GLMN: variants seen among roughly 807,000 people sequenced by gnomAD.
GLMN encodes glomulin.
GLMN carries 75 observed loss-of-function variants against 87.8 expected under a neutral mutation model. That is an observed-to-expected ratio of 0.85 (90% confidence interval 0.71 to 1.04). GLMN has a LOEUF of 1.04. Ranked by LOEUF, GLMN falls within the 50% of genes least tolerant of loss-of-function variation. GLMN has a pLI of 0.00. For synonymous variants in GLMN, 206 were observed against 221.6 expected (o/e 0.93, Z 0.63); for missense variants, 588 against 658.8 (o/e 0.89, Z 1.18).
In GLMN at chr1:92,266,427, T is replaced by C. The variant is rs755672648; in HGVS notation, c.1206A>G (p.Thr402=). The C allele has an allele frequency of 1.3e-6, 2 of 1,513,216 alleles. No homozygotes were observed. The highest frequency in any genetic ancestry group is 2.3e-5 in the East Asian group (1 of 44,368). The allele number at this position is 1,513,216 out of a possible 1,614,324, so 93.7% of individuals were successfully genotyped here. ...INKLDSQGKY[T]LFRCLLNTSN... ...CCATGCTTGATACATACCTAAATAA[T>C]GTATATTTGCCTTGTGAATCCAACT... is the stretch of plus-strand genomic sequence containing the variant. Residue 402 remains threonine (T), a synonymous_variant, in exon 13 of 19, where the codon ACA becomes ACG. Transcript: ENST00000370360.
chr1:92,263,837 C>G, intron 14 of GLMN, 105 bp from the exon 15 acceptor site: 1 of 751,076 alleles, frequency 1.3e-6, no homozygotes. Flanking sequence ...ATTTAAAATA[C>G]AGTTTTTAAC....
intron 16 of GLMN, among the ~76,000 whole-genome samples, chr1:92,255,083 GAAA>G (rs543661361): frequency 7.4e-6 from 1 of 135,860 alleles, no homozygotes; most frequent in African/African-American, 2.6e-5. Context: ...CAAACGGAAA[GAAA>G]AAAAAAAAGC....
At chr1:92,299,621 A>G (rs1195248137), upstream of GLMN, among the ~76,000 whole-genome samples, 1 of 152,146 alleles carries the variant, frequency 6.6e-6, no homozygotes, top group Non-Finnish European at 1.5e-5. Flanking sequence ...GATTTTCAGG[A>G]GTGGTTAATT....
chr1:92,280,021 C>T (rs1018129817), intron 7 of GLMN, among the ~76,000 whole-genome samples: 11 of 152,242 alleles, frequency 7.2e-5, no homozygotes, highest in African/African-American at 2.7e-4. Context: ...TAGATTCTAC[C>T]TCTGGGGACG....
At chr1:92,287,303 T>TA (rs1268040408) in intron 6 of GLMN, among the ~76,000 whole-genome samples, 1 of 152,216 alleles carries the variant, frequency 6.6e-6, no homozygotes, top group Non-Finnish European at 1.5e-5. Flanking sequence ...TTTCTTTAGT[T>TA]AAAATACCTT....
At chr1:92,300,130 C>G, upstream of GLMN, 1 of 1,109,260 alleles carries the variant, frequency 9.0e-7, no homozygotes, top group Non-Finnish European at 1.4e-6. Flanking sequence ...AGACCGCTGT[C>G]TGTATGCTGT....
chr1:92,271,084 T>C (rs1479582812), intron 8 of GLMN, among the ~76,000 whole-genome samples: 1 of 152,176 alleles, frequency 6.6e-6, no homozygotes, highest in Non-Finnish European at 1.5e-5. Context: ...GTTGAGAATG[T>C]GTTAAATTAA....
the GLMN span, among the ~76,000 whole-genome samples, chr1:92,368,913 G>A: frequency 1.3e-5 from 2 of 152,174 alleles, no homozygotes; most frequent in Non-Finnish European, 2.9e-5. Flanking sequence ...GTTATAGAAG[G>A]ATATCTGTAT....
the GLMN span, among the ~76,000 whole-genome samples, chr1:92,325,601 C>T: frequency 6.6e-6 from 1 of 152,034 alleles, no homozygotes; most frequent in Non-Finnish European, 1.5e-5. Flanking sequence ...AAAACATTTC[C>T]ATTGAAGTAC....
chr1:92,281,125 AAGATACTCCTTG>A (rs955353689), intron 7 of GLMN, among the ~76,000 whole-genome samples: 1 of 152,184 alleles, frequency 6.6e-6, no homozygotes, highest in Non-Finnish European at 1.5e-5. Flanking sequence ...GAACACCACA[AAGATACTCCTTG>A]AGAAGAGCAA....
At chr1:92,345,744 G>A in the GLMN span, 2 of 676,208 alleles carry the variant, frequency 3.0e-6, no homozygotes, top group East Asian at 2.7e-5. Flanking sequence ...TTAAAAAAAA[G>A]TGCTTCTTTG....
chr1:92,298,067 T>C (rs1650347543), intron 1 of GLMN, 38 bp from the exon 2 acceptor site: 2 of 868,750 alleles, frequency 2.3e-6, no homozygotes, highest in Non-Finnish European at 4.0e-6. Context: ...ATCCGTGATA[T>C]TACACTTAAG....
chr1:92,369,719 G>A, the GLMN span, among the ~76,000 whole-genome samples: 1 of 152,076 alleles, frequency 6.6e-6, no homozygotes, highest in Non-Finnish European at 1.5e-5. Flanking sequence ...AAACAGGTAA[G>A]TAATTAGTAT....
intron 7 of GLMN, among the ~76,000 whole-genome samples, chr1:92,274,398 TCAA>T (rs1310108851): frequency 6.6e-6 from 1 of 152,170 alleles, no homozygotes; most frequent in Non-Finnish European, 1.5e-5. Context: ...TCTGTACTTT[TCAA>T]CAAAAGCACA....
the GLMN span, among the ~76,000 whole-genome samples, chr1:92,369,471 AT>A: frequency 6.6e-6 from 1 of 151,934 alleles, no homozygotes; most frequent in Non-Finnish European, 1.5e-5. Context: ...CACTCAACTA[AT>A]TTTTTTATTT....
intron 7 of GLMN, among the ~76,000 whole-genome samples, chr1:92,278,022 C>G (rs1476216814): frequency 6.6e-6 from 1 of 152,126 alleles, no homozygotes; most frequent in Non-Finnish European, 1.5e-5. Context: ...CTGACACTAT[C>G]TCCAGGTAGG....
the GLMN span, among the ~76,000 whole-genome samples, chr1:92,311,785 A>C: frequency 6.6e-6 from 1 of 152,258 alleles, no homozygotes; most frequent in Admixed American, 6.5e-5. Flanking sequence ...TGTTTCCACT[A>C]TACTGTAGTC....
the GLMN span, among the ~76,000 whole-genome samples, chr1:92,322,029 T>C: frequency 2.7e-5 from 4 of 145,482 alleles, no homozygotes; most frequent in Admixed American, 7.0e-5. Flanking sequence ...CACTGCAACC[T>C]CTGCCACCTG....
chr1:92,265,333 A>C lies in GLMN; in HGVS notation c.1215-695T>G, dbSNP rs6679993. On this transcript the variant is annotated intron_variant, in intron 13 of 18. Transcript: ENST00000370360. Reference sequence around the variant, plus strand: ...AGAGTAGCTTAATTGCAAAAAAAAAAAAAAAACTAGATATGACTAGCTTAA... The same window carrying C: ...AGAGTAGCTTAATTGCAAAAAAAAACAAAAAACTAGATATGACTAGCTTAA... Among the ~76,000 whole-genome samples the C allele has an allele frequency of 2.2e-3, 334 of 150,942 alleles. 2 individuals are homozygous for C. The highest frequency in any genetic ancestry group is 4.2e-3 in the Non-Finnish European group (282 of 67,808).
Sources: allele counts gnomAD v4.1 joint callset (sites outside exome capture counted in the v4.1 genomes callset), GRCh38; gene constraint gnomAD v4.1.1; transcripts MANE v1.5; gene names NCBI Gene and HGNC (gene_info 2026-07-23, HGNC 2026-07-21).